CSMD1: variants seen among roughly 807,000 people sequenced by gnomAD.
CSMD1 encodes the protein CUB and Sushi multiple domains 1.
A neutral mutation model predicts 417.5 loss-of-function variants in CSMD1; 213 were observed. That is an observed-to-expected ratio of 0.51 (90% confidence interval 0.46 to 0.57). The LOEUF (loss-of-function observed/expected upper bound fraction) is 0.57, where lower values mean the gene tolerates loss of function less well. CSMD1 is among the 20% of genes least tolerant of loss of function. CSMD1 has a pLI of 0.00. For synonymous variants in CSMD1, 2,862 were observed against 1,736.8 expected (o/e 1.65, Z -16.11); for missense variants, 6,923 against 4,529.7 (o/e 1.53, Z -15.17).
At chr8:3,366,062 T>C (rs1183508753) in intron 20 of CSMD1, among the ~76,000 whole-genome samples, 1 of 152,184 alleles carries the variant, frequency 6.6e-6, no homozygotes. Flanking sequence ...AAAAGTAGAA[T>C]AAATTACATG....
At chr8:4,894,464 A>C (rs1471823364) in intron 1 of CSMD1, among the ~76,000 whole-genome samples, 1 of 151,760 alleles carries the variant, frequency 6.6e-6, no homozygotes, top group Admixed American at 6.6e-5. Flanking sequence ...GAGGCAGGAG[A>C]ATCACTTGAA....
At chr8:4,135,689 G>C (rs959311195) in intron 3 of CSMD1, among the ~76,000 whole-genome samples, 13 of 152,082 alleles carry the variant, frequency 8.5e-5, no homozygotes, top group African/African-American at 2.7e-4. Flanking sequence ...TTGCTTATTA[G>C]TCAGGATATT....
At chr8:4,591,496 G>C (rs918148985) in intron 2 of CSMD1, among the ~76,000 whole-genome samples, 3 of 152,178 alleles carry the variant, frequency 2.0e-5, no homozygotes, top group Non-Finnish European at 2.9e-5. Flanking sequence ...CTGCATGGTA[G>C]GTCCAGGGAA....
intron 3 of CSMD1, among the ~76,000 whole-genome samples, chr8:4,412,629 C>G (rs1796711186): frequency 6.6e-6 from 1 of 152,126 alleles, no homozygotes; most frequent in South Asian, 2.1e-4. Context: ...ATGGTCTATT[C>G]CAACGGAATC....
intron 2 of CSMD1, among the ~76,000 whole-genome samples, chr8:4,607,623 G>T (rs1015946589): frequency 1.3e-5 from 2 of 151,840 alleles, no homozygotes; most frequent in Non-Finnish European, 1.5e-5. Flanking sequence ...GAGTTCTGGC[G>T]CCAGCCATTT....
At chr8:4,737,719 C>T (rs1810337582) in intron 1 of CSMD1, among the ~76,000 whole-genome samples, 1 of 152,078 alleles carries the variant, frequency 6.6e-6, no homozygotes, top group Non-Finnish European at 1.5e-5. Context: ...AGTACCTAAG[C>T]AATAGGTAAT....
intron 2 of CSMD1, among the ~76,000 whole-genome samples, chr8:4,438,412 T>C (rs910310150): frequency 6.6e-6 from 1 of 152,170 alleles, no homozygotes; most frequent in Non-Finnish European, 1.5e-5. Context: ...AGTTGGTGGA[T>C]ACTTAAACTC....
chr8:4,470,067 T>C (rs1453966028), intron 2 of CSMD1, among the ~76,000 whole-genome samples: 2 of 152,022 alleles, frequency 1.3e-5, no homozygotes, highest in East Asian at 3.9e-4. Context: ...AGATGGGGTT[T>C]CACCGTGTTA....
intron 3 of CSMD1, among the ~76,000 whole-genome samples, chr8:4,418,048 C>T (rs1235188786): frequency 6.6e-6 from 1 of 151,942 alleles, no homozygotes; most frequent in Non-Finnish European, 1.5e-5. Context: ...GACCTGGAAG[C>T]TAACTGATAA....
chr8:3,203,318 G>A (rs774000391), intron 31 of CSMD1, among the ~76,000 whole-genome samples: 4 of 152,098 alleles, frequency 2.6e-5, no homozygotes, highest in Non-Finnish European at 4.4e-5. Flanking sequence ...GTTCTAACCC[G>A]TCACACACAC....
intron 5 of CSMD1, among the ~76,000 whole-genome samples, chr8:3,863,914 T>C (rs769152823): frequency 5.3e-5 from 8 of 152,226 alleles, no homozygotes; most frequent in African/African-American, 1.4e-4. Context: ...ACGTATCCTT[T>C]AGAAGCTTAT....
chr8:2,976,164 T>C (rs946053274), intron 55 of CSMD1, among the ~76,000 whole-genome samples: 1 of 151,774 alleles, frequency 6.6e-6, no homozygotes. Context: ...TTGTTGAAGT[T>C]AGAATTTGAG....
At chr8:3,707,992 C>A (rs1450562559) in intron 7 of CSMD1, among the ~76,000 whole-genome samples, 1 of 152,198 alleles carries the variant, frequency 6.6e-6, no homozygotes, top group Non-Finnish European at 1.5e-5. Context: ...CCGAAAGCTA[C>A]TTTACTCTCC....
chr8:4,263,407 C>T (rs1040166714), intron 3 of CSMD1, among the ~76,000 whole-genome samples: 1 of 152,166 alleles, frequency 6.6e-6, no homozygotes, highest in Non-Finnish European at 1.5e-5. Context: ...ATTTCTATTA[C>T]ATTCAGGTAA....
intron 3 of CSMD1, among the ~76,000 whole-genome samples, chr8:4,320,707 A>G (rs1006313548): frequency 7.2e-5 from 11 of 152,156 alleles, no homozygotes; most frequent in African/African-American, 2.2e-4. Context: ...TTATGGCTGC[A>G]TAGTATTCCA....
chr8:4,130,321 T>G (rs748764601), intron 3 of CSMD1, among the ~76,000 whole-genome samples: 8 of 152,148 alleles, frequency 5.3e-5, no homozygotes, highest in Non-Finnish European at 1.2e-4. Context: ...CAAATATGCC[T>G]AAGGTCTTCT....
intron 3 of CSMD1, among the ~76,000 whole-genome samples, chr8:4,219,180 C>T (rs748948739): frequency 5.3e-5 from 8 of 152,174 alleles, no homozygotes; most frequent in African/African-American, 9.7e-5. Flanking sequence ...TCTCCCCTCC[C>T]GTGTTCTGCA....
At chr8:4,766,768 T>C (rs1812494064) in intron 1 of CSMD1, among the ~76,000 whole-genome samples, 1 of 152,200 alleles carries the variant, frequency 6.6e-6, no homozygotes, top group South Asian at 2.1e-4. Flanking sequence ...TTATGAAGGT[T>C]TGTACGCACA....
At chr8:3,792,343 G>A (rs1432169641) in intron 5 of CSMD1, among the ~76,000 whole-genome samples, 2 of 151,970 alleles carry the variant, frequency 1.3e-5, no homozygotes, top group Admixed American at 6.6e-5. Context: ...TAAAATCAAT[G>A]AACACCCACA....
Sources: allele counts gnomAD v4.1 joint callset (sites outside exome capture counted in the v4.1 genomes callset), GRCh38; gene constraint gnomAD v4.1.1; transcripts MANE v1.5; gene names NCBI Gene and HGNC (gene_info 2026-07-23, HGNC 2026-07-21).